Variants in ZNF224 observed in about 807,000 individuals in gnomAD.
ZNF224 encodes the protein zinc finger protein 224.
ZNF224 carries 8 observed loss-of-function variants against 10.5 expected under a neutral mutation model. The observed-to-expected ratio is 0.76, with a 90% CI of 0.45 to 1.37. ZNF224 has a LOEUF of 1.37. ZNF224 is among the 40% of genes most tolerant of loss of function. The probability of loss-of-function intolerance (pLI) is 0.00; values close to 1 mark genes in which losing one functional copy is unlikely to be tolerated. For missense variants in ZNF224, 754 were observed against 854.0 expected (o/e 0.88, Z 1.46); for synonymous variants, 282 against 287.8 (o/e 0.98, Z 0.20).
intron 3 of ZNF224, among the ~76,000 whole-genome samples, chr19:44,098,812 C>T (rs907048258): frequency 1.6e-4 from 24 of 152,228 alleles, no homozygotes; most frequent in African/African-American, 5.8e-4. Flanking sequence ...CTCCCGACCT[C>T]AGGTGATCCA....
intron 5 of ZNF224, among the ~76,000 whole-genome samples, chr19:44,104,703 C>G (rs1347443961): frequency 1.3e-5 from 2 of 152,036 alleles, no homozygotes; most frequent in South Asian, 4.2e-4. Flanking sequence ...GCTCTGTCAC[C>G]CAGGCTGGAG....
intron 5 of ZNF224, among the ~76,000 whole-genome samples, chr19:44,102,928 C>T (rs899951204): frequency 4.6e-5 from 7 of 152,252 alleles, no homozygotes; most frequent in Admixed American, 1.3e-4. Context: ...TCTGCATGCA[C>T]GTCACTGACC....
intron 5 of ZNF224, 173 bp from the exon 6 acceptor site, chr19:44,106,223 T>TA (rs1370056052): frequency 1.6e-6 from 1 of 642,960 alleles, no homozygotes; most frequent in African/African-American, 1.8e-5. Context: ...ATATGATACT[T>TA]GGTTTAGTTC....
At chr19:44,106,357 C>T in intron 5 of ZNF224, 39 bp from the exon 6 acceptor site, 1 of 1,603,944 alleles carries the variant, frequency 6.2e-7, no homozygotes, top group Non-Finnish European at 8.5e-7. Flanking sequence ...TGAACAAAGG[C>T]TTCACTTGTC....
chr19:44,107,364 T>A lies in ZNF224; in HGVS notation c.1204T>A (p.Cys402Ser). The change falls in exon 6 of 6, where the codon TGT (cysteine) becomes AGT (serine). Residue 402 changes from cysteine (C) to serine (S), a missense_variant. Physicochemically the swap from Cys to Ser is moderately radical, Grantham distance 112. Transcript: ENST00000693561. ...RVHSGEKPFK[C>S]EECGKGFYTN... ...CCACAGTGGAGAAAAACCATTCAAA[T>A]GTGAAGAATGTGGGAAAGGATTTTA... 1 of 1,597,288 alleles carries A rather than the reference T, an allele frequency of 6.3e-7. No homozygotes were observed. Among genetic ancestry groups the A allele is most frequent in the Non-Finnish European group, 8.5e-7 (1 of 1,173,196 alleles).
rs767685609 is a variant in ZNF224, at chr19:44,107,929, A to G, written c.1769A>G (p.His590Arg). 6.2e-7 allele frequency: 1 copy of G among 1,614,222 alleles called. No individual in the cohort carries two copies. The highest frequency in any genetic ancestry group is 8.5e-7 in the Non-Finnish European group (1 of 1,180,050). The change falls in exon 6 of 6, where the codon CAC becomes CGC. Residue 590 changes from histidine (H) to arginine (R), a missense_variant. Coordinates refer to ENST00000693561, the MANE Select transcript of ZNF224 (RefSeq NM_001321645.3). ...CAGCTTCATTCTCATCAAAGAGTGC[A>G]CACTGGAGAAAAGCCATACAAATGT... ...NSQLHSHQRV[H>R]TGEKPYKCDE...
intron 5 of ZNF224, among the ~76,000 whole-genome samples, chr19:44,103,205 C>G (rs962762863): frequency 1.3e-5 from 2 of 152,168 alleles, no homozygotes; most frequent in African/African-American, 4.8e-5. Flanking sequence ...AAAATACTGA[C>G]ATCCTGAAAG....
chr19:44,105,270 T>A (rs1395621827), intron 5 of ZNF224: 3 of 152,210 alleles, frequency 2.0e-5, no homozygotes, highest in African/African-American at 7.2e-5. Context: ...CTAGACCTCA[T>A]TTTGAGTAAG....
rs572934269 is a variant in ZNF224, at chr19:44,101,324, C to T, written c.235+99C>T. 5.7e-6 allele frequency: 7 copies of T among 1,229,830 alleles called. No homozygotes were observed. The African/African-American group carries it at 7.6e-5, about 13-fold the overall frequency. The allele number at this position is 1,229,830 out of a possible 1,614,324, so 76.2% of individuals were successfully genotyped here. A position where few individuals can be genotyped will look rare whatever the true frequency, so the allele number is the denominator to read the frequency against. Reference sequence around the variant, plus strand: ...TGCCCTGGCCTAAATGGCCAAACCTCTTTCTTGGATTATTGACAACCATCT... The same window carrying T: ...TGCCCTGGCCTAAATGGCCAAACCTTTTTCTTGGATTATTGACAACCATCT... On this transcript the variant is annotated intron_variant, in intron 5 of 5. Transcript: ENST00000693561.
intron 2 of ZNF224, 197 bp from the exon 3 acceptor site, chr19:44,097,609 T>G: frequency 1.4e-5 from 6 of 416,286 alleles, no homozygotes; most frequent in Non-Finnish European, 8.5e-6. Context: ...CAAGTAAGAT[T>G]CCATTGTATG....
Position 44,107,937 on chromosome 19 carries a change from G to A in ZNF224, c.1777G>A (p.Glu593Lys), listed in dbSNP as rs752673634. 6 of 1,614,258 alleles carry A rather than the reference G, an allele frequency of 3.7e-6. No homozygotes were observed. The South Asian group carries it at 5.5e-5, about 15-fold the overall frequency. Residue 593 changes from glutamate (E) to lysine (K), a missense_variant, in exon 6 of 6, where the codon GAA (glutamate) becomes AAA (lysine). Physicochemically the swap from Glu to Lys is moderately conservative, Grantham distance 56. Coordinates refer to ENST00000693561, the MANE Select transcript of ZNF224 (RefSeq NM_001321645.3). The stretch of plus-strand genomic sequence containing the variant: ...TTCTCATCAAAGAGTGCACACTGGA[G>A]AAAAGCCATACAAATGTGATGAGTG... The part of the protein sequence containing the change: ...LHSHQRVHTG[E>K]KPYKCDECGK...
chr19:44,104,901 A>G (rs1381013688), intron 5 of ZNF224, among the ~76,000 whole-genome samples: 1 of 152,154 alleles, frequency 6.6e-6, no homozygotes, highest in African/African-American at 2.4e-5. Flanking sequence ...TGACCTCGTG[A>G]TCTGCCCGCT....
chr19:44,101,413 G>A (rs1967548164), intron 5 of ZNF224, among the ~76,000 whole-genome samples, 188 bp downstream of exon 5: 1 of 152,142 alleles, frequency 6.6e-6, no homozygotes, highest in South Asian at 2.1e-4. Context: ...CAGCCAAAGT[G>A]ATCCTTAGGA....
chr19:44,101,373 G>A lies in ZNF224; in HGVS notation c.235+148G>A, dbSNP rs1464371104. The A allele has an allele frequency of 4.7e-5, 34 of 729,360 alleles. No individual in the cohort carries two copies. In the Admixed American group the frequency reaches 4.9e-4, roughly 10 times the overall value. 45.2% of individuals were successfully genotyped at this position (729,360 alleles called of 1,614,324 possible). ...CTTACACCTGGTGGCCCTGCCACCC[G>A]CCTTCACATCCTGACATCTGTTCTC... On this transcript the variant is annotated intron_variant, in intron 5 of 5. Transcript: ENST00000693561.
At position 44,100,875 on chromosome 19, in the gene ZNF224, G is replaced by T. The variant is rs1447956022; in HGVS notation, c.90G>T (p.Arg30Ser). Residue 30 changes from arginine to serine, a missense_variant, in exon 4 of 6, where the codon AGG (arginine) becomes AGT (serine). Physicochemically the swap from Arg to Ser is moderately radical, Grantham distance 110 (BLOSUM62 -1). Coordinates refer to ENST00000693561, the MANE Select transcript of ZNF224 (RefSeq NM_001321645.3). ...EELGLLDLAQ[R>S]KLYRDVMLEN... Reference sequence around the variant, plus strand: ...TGGGGCTGCTGGACCTTGCTCAGAGGAAGCTGTATCGAGATGTGATGCTGG... The same window carrying T: ...TGGGGCTGCTGGACCTTGCTCAGAGTAAGCTGTATCGAGATGTGATGCTGG... 1.9e-6 allele frequency: 3 copies of T among 1,614,010 alleles called. No homozygotes were observed. In the East Asian group the frequency reaches 6.7e-5, roughly 36 times the overall value.
At position 44,106,687 on chromosome 19, in the gene ZNF224, A is replaced by G. The variant is rs372573390; in HGVS notation, c.527A>G (p.His176Arg). The G allele has an allele frequency of 6.3e-5, 101 of 1,600,768 alleles. No homozygotes were observed. Among genetic ancestry groups the G allele is most frequent in the Admixed American group, 5.6e-4 (33 of 59,168 alleles). ...HQQLHSGEKS[H>R]TCDECGKNFC... ...CAATTACACTCAGGAGAGAAATCTCATACGTGTGATGAGTGTGGAAAGAAC... is the reference window on the plus strand; with the variant it reads ...CAATTACACTCAGGAGAGAAATCTCGTACGTGTGATGAGTGTGGAAAGAAC... Residue 176 changes from histidine (H) to arginine (R), a missense_variant, in exon 6 of 6, where the codon CAT (histidine) becomes CGT (arginine). His to Arg is a conservative substitution (Grantham distance 29). Transcript: ENST00000693561.
chr19:44,102,094 G>A (rs970259388), intron 5 of ZNF224, among the ~76,000 whole-genome samples: 1 of 152,198 alleles, frequency 6.6e-6, no homozygotes, highest in Non-Finnish European at 1.5e-5. Context: ...GGGACTGGAT[G>A]TGGACATCTT....
chr19:44,103,483 G>C (rs1967587243), intron 5 of ZNF224, among the ~76,000 whole-genome samples: 1 of 152,092 alleles, frequency 6.6e-6, no homozygotes, highest in African/African-American at 2.4e-5. Context: ...AGATGTCTAT[G>C]GGTTACTTCA....
chr19:44,107,372 A>C lies in ZNF224; in HGVS notation c.1212A>C (p.Glu404Asp), dbSNP rs3208207. 1.9e-5 allele frequency: 30 copies of C among 1,593,832 alleles called. No homozygotes were observed. The highest frequency in any genetic ancestry group is 1.6e-4 in the Admixed American group (9 of 56,666). Residue 404 changes from glutamate to aspartate, a missense_variant, in exon 6 of 6, where the codon GAA (glutamate) becomes GAC (aspartate). Glu to Asp is a conservative substitution (Grantham distance 45, BLOSUM62 2). Transcript: ENST00000693561. ...HSGEKPFKCE[E>D]CGKGFYTNSQ... ...GAGAAAAACCATTCAAATGTGAAGA[A>C]TGTGGGAAAGGATTTTACACAAATT...
Sources: allele counts gnomAD v4.1 joint callset (sites outside exome capture counted in the v4.1 genomes callset), GRCh38; gene constraint gnomAD v4.1.1; transcripts MANE v1.5; gene names NCBI Gene and HGNC (gene_info 2026-07-23, HGNC 2026-07-21).